NEBL: variants seen among roughly 807,000 people sequenced by gnomAD.
The protein encoded by NEBL is nebulette, also known as LIM and SH3 protein 2.
Under a neutral mutation model 140.2 loss-of-function variants are expected in NEBL, and 122 were observed. That is an observed-to-expected ratio of 0.87 (90% CI 0.75 to 1.01). The LOEUF (loss-of-function observed/expected upper bound fraction) is 1.01. Ranked by LOEUF, NEBL falls within the 50% of genes least tolerant of loss-of-function variation. NEBL has a pLI of 0.00. For missense variants in NEBL, 1,365 were observed against 1,231.3 expected, an observed-to-expected ratio of 1.11 and a Z score of -1.62; for synonymous variants, 436 against 398.9, an observed-to-expected ratio of 1.09 and a Z score of -1.11.
chr10:20,946,187 A>G (rs867486684), intron 4 of NEBL, among the ~76,000 whole-genome samples: 5 of 152,228 alleles, frequency 3.3e-5, no homozygotes, highest in South Asian at 2.1e-4. Flanking sequence ...GGCAGCCCTC[A>G]TAGGCTGTAT....
intron 2 of NEBL, among the ~76,000 whole-genome samples, chr10:21,021,958 G>A (rs1838815618): frequency 6.6e-6 from 1 of 152,168 alleles, no homozygotes; most frequent in Non-Finnish European, 1.5e-5. Context: ...ACTTCAGCGT[G>A]TCCTATAAGG....
chr10:20,879,635 A>G (rs76390638), intron 5 of NEBL, among the ~76,000 whole-genome samples: 8,795 of 152,310 alleles, frequency 0.058, 368 homozygotes, highest in Middle Eastern at 0.12. Context: ...GCCAAGCACC[A>G]TTCCATAAAG....
Position 20,823,190 on chromosome 10 carries a change from C to G in NEBL, c.1962+18G>C. ...TATACAATAAAATTTTTAAAAAATA[C>G]TTAAGAAATATGATCACATTGCTGA... On this transcript the variant is annotated intron_variant, in intron 19 of 27. Coordinates refer to ENST00000377122, the MANE Select transcript of NEBL (RefSeq NM_006393.3). The G allele has an allele frequency of 6.4e-7, 1 of 1,571,828 alleles. No homozygotes were observed. Among genetic ancestry groups the G allele is most frequent in the Non-Finnish European group, 8.7e-7 (1 of 1,147,944 alleles).
At chr10:20,831,633 T>G (rs1209768005) in intron 14 of NEBL, 50 bp from the exon 15 acceptor site, 4 of 1,237,622 alleles carry the variant, frequency 3.2e-6, no homozygotes, top group Non-Finnish European at 4.8e-6. Flanking sequence ...TTTGAGAAAC[T>G]GCTCAAAAAT....
intron 2 of NEBL, among the ~76,000 whole-genome samples, chr10:21,045,828 G>A (rs926893126): frequency 1.3e-5 from 2 of 152,110 alleles, no homozygotes; most frequent in Admixed American, 6.5e-5. Flanking sequence ...ATGTAAAATA[G>A]AATTACTATG....
At chr10:21,203,043 T>G (rs1258754682) in intron 3 of NEBL, among the ~76,000 whole-genome samples, 2 of 152,224 alleles carry the variant, frequency 1.3e-5, no homozygotes, top group African/African-American at 4.8e-5. Flanking sequence ...TTTAGGAAAC[T>G]TAATGCTGCA....
intron 14 of NEBL, among the ~76,000 whole-genome samples, chr10:20,833,495 T>G (rs1840606816): frequency 6.6e-6 from 1 of 152,116 alleles, no homozygotes; most frequent in Non-Finnish European, 1.5e-5. Context: ...TATTATTATT[T>G]GGGGGGTTTT....
At chr10:21,062,658 G>T (rs968429356) in intron 2 of NEBL, among the ~76,000 whole-genome samples, 1 of 151,942 alleles carries the variant, frequency 6.6e-6, no homozygotes, top group African/African-American at 2.4e-5. Context: ...CTGTATTCCA[G>T]CCTGGGTGAC....
At chr10:21,064,917 A>G (rs1237865058) in intron 2 of NEBL, among the ~76,000 whole-genome samples, 2 of 152,008 alleles carry the variant, frequency 1.3e-5, no homozygotes, top group Non-Finnish European at 2.9e-5. Flanking sequence ...GAAAAAAAAA[A>G]TATTTAAGAA....
intron 3 of NEBL, among the ~76,000 whole-genome samples, chr10:21,194,386 C>G (rs1400351438): frequency 1.3e-5 from 2 of 152,136 alleles, no homozygotes; most frequent in African/African-American, 4.8e-5. Context: ...ATACCAAAAG[C>G]AAGCCACGTA....
intron 2 of NEBL, among the ~76,000 whole-genome samples, chr10:21,086,482 A>G (rs1381461511): frequency 6.6e-6 from 1 of 152,238 alleles, no homozygotes; most frequent in East Asian, 1.9e-4. Flanking sequence ...GGTGCAAATT[A>G]GAAATCAGTG....
chr10:20,837,740 T>C (rs188700271), intron 13 of NEBL, among the ~76,000 whole-genome samples: 2 of 152,316 alleles, frequency 1.3e-5, no homozygotes, highest in Admixed American at 6.5e-5. Flanking sequence ...CTGACTCTTA[T>C]TAGGGTCTAA....
chr10:20,942,356 T>C (rs1333733391), intron 4 of NEBL, among the ~76,000 whole-genome samples: 1 of 152,314 alleles, frequency 6.6e-6, no homozygotes, highest in Non-Finnish European at 1.5e-5. Context: ...CCCTATTTAA[T>C]AAATGGTGCT....
At chr10:20,883,170 T>C (rs908356067) in intron 4 of NEBL, among the ~76,000 whole-genome samples, 1 of 152,248 alleles carries the variant, frequency 6.6e-6, no homozygotes, top group African/African-American at 2.4e-5. Flanking sequence ...ACCTCCCACA[T>C]GTTAAACATT....
intron 3 of NEBL, among the ~76,000 whole-genome samples, chr10:20,978,674 G>A (rs1038292228): frequency 8.6e-5 from 13 of 151,586 alleles, no homozygotes; most frequent in African/African-American, 2.2e-4. Flanking sequence ...TGGATTGCCC[G>A]TACCCAGGAG....
intron 3 of NEBL, among the ~76,000 whole-genome samples, chr10:20,975,959 A>T: frequency 6.6e-6 from 1 of 152,196 alleles, no homozygotes; most frequent in East Asian, 1.9e-4. Context: ...CATCCAGTGG[A>T]CAATATGACA....
intron 2 of NEBL, among the ~76,000 whole-genome samples, chr10:21,156,133 G>A (rs1190852777): frequency 6.6e-6 from 1 of 152,196 alleles, no homozygotes; most frequent in African/African-American, 2.4e-5. Flanking sequence ...TCCAAGGAAA[G>A]AAAAAACTGC....
chr10:21,027,566 G>A (rs1028549136), intron 2 of NEBL, among the ~76,000 whole-genome samples: 1 of 152,086 alleles, frequency 6.6e-6, no homozygotes, highest in Non-Finnish European at 1.5e-5. Flanking sequence ...CTGGGCTCAA[G>A]TGGTCCAATC....
chr10:21,122,214 C>G (rs527875378), intron 2 of NEBL, among the ~76,000 whole-genome samples: 3 of 152,164 alleles, frequency 2.0e-5, no homozygotes, highest in East Asian at 3.9e-4. Flanking sequence ...TTAATAGAGA[C>G]AGGGTTTCAC....
Sources: allele counts gnomAD v4.1 joint callset (sites outside exome capture counted in the v4.1 genomes callset), GRCh38; gene constraint gnomAD v4.1.1; transcripts MANE v1.5; gene names NCBI Gene and HGNC (gene_info 2026-07-23, HGNC 2026-07-21).